Variants in RASAL2 observed in about 807,000 individuals in gnomAD.
RASAL2 encodes RAS protein activator like 2.
Under a neutral mutation model 128.9 loss-of-function variants are expected in RASAL2, and 58 were observed. The observed-to-expected ratio is 0.45, with a 90% confidence interval of 0.36 to 0.56. The LOEUF is 0.56. Among genes scored for constraint, RASAL2 ranks in the 20% least tolerant of loss-of-function variants. The pLI is 0.00. For missense variants in RASAL2, 1,360 were observed against 1,601.6 expected, an observed-to-expected ratio of 0.85 and a Z score of 2.57; for synonymous variants, 561 against 580.8, an observed-to-expected ratio of 0.97 and a Z score of 0.49.
rs549462637 is a variant in RASAL2, at chr1:178,218,120, A to G, written c.203-65444A>G. ...TCTTCAGGCTCCACTCCTAATTCCT[A>G]TTCTCTTGCTATTTCTAACACATCT... On this transcript the variant is annotated intron_variant, in intron 1 of 17. Transcript: ENST00000367649. 2.6e-5 allele frequency among the ~76,000 whole-genome samples: 4 copies of G among 152,152 alleles called. No individual in the cohort carries two copies. The South Asian group carries it at 8.3e-4, about 32-fold the overall frequency.
chr1:178,276,312 G>A (rs1359462153), intron 1 of RASAL2, among the ~76,000 whole-genome samples: 1 of 151,996 alleles, frequency 6.6e-6, no homozygotes, highest in Non-Finnish European at 1.5e-5. Flanking sequence ...GGTAATGAAG[G>A]GATAAAATAA....
intron 3 of RASAL2, among the ~76,000 whole-genome samples, chr1:178,338,723 A>G (rs898284124): frequency 6.6e-6 from 1 of 152,204 alleles, no homozygotes; most frequent in Non-Finnish European, 1.5e-5. Context: ...CTTAGTAAGC[A>G]CTTACTATGT....
At chr1:178,400,994 A>G (rs1006798279) in intron 4 of RASAL2, among the ~76,000 whole-genome samples, 1 of 152,086 alleles carries the variant, frequency 6.6e-6, no homozygotes, top group Non-Finnish European at 1.5e-5. Flanking sequence ...CAGGTGATCC[A>G]CCTACCTTGG....
chr1:178,468,717 C>A (rs965593102), intron 17 of RASAL2, among the ~76,000 whole-genome samples: 15 of 152,198 alleles, frequency 9.9e-5, no homozygotes, highest in African/African-American at 3.6e-4. Context: ...CTTACTTGGT[C>A]CTTTGAAAGA....
intron 1 of RASAL2, among the ~76,000 whole-genome samples, chr1:178,188,424 G>A (rs749944302): frequency 5.1e-4 from 78 of 152,034 alleles, no homozygotes; most frequent in Non-Finnish European, 1.0e-3. Flanking sequence ...TCACAGTCCT[G>A]TGCTCTGTTG....
intron 2 of RASAL2, among the ~76,000 whole-genome samples, chr1:178,289,802 G>A (rs551919717): frequency 1.3e-5 from 2 of 152,212 alleles, no homozygotes; most frequent in South Asian, 2.1e-4. Context: ...CTTCCCCAAC[G>A]TGCTACTTTC....
intron 14 of RASAL2, among the ~76,000 whole-genome samples, chr1:178,459,325 AATAT>A (rs1208846348): frequency 1.3e-5 from 2 of 151,922 alleles, no homozygotes; most frequent in African/African-American, 4.8e-5. Context: ...ACTACTGTTA[AATAT>A]ATAATATACA....
At chr1:178,468,379 C>T (rs1443561224) in intron 17 of RASAL2, among the ~76,000 whole-genome samples, 1 of 152,206 alleles carries the variant, frequency 6.6e-6, no homozygotes, top group Non-Finnish European at 1.5e-5. Flanking sequence ...TAGATAGCCT[C>T]CTCCCTTCTC....
intron 3 of RASAL2, among the ~76,000 whole-genome samples, chr1:178,326,207 T>C (rs1669032967): frequency 6.6e-6 from 1 of 152,180 alleles, no homozygotes; most frequent in Non-Finnish European, 1.5e-5. Flanking sequence ...CATGTACCCA[T>C]GTAAAAGGCT....
At chr1:178,174,215 T>C (rs1411529768) in intron 1 of RASAL2, among the ~76,000 whole-genome samples, 1 of 152,092 alleles carries the variant, frequency 6.6e-6, no homozygotes, top group East Asian at 1.9e-4. Context: ...TACCTTTCTC[T>C]AAATGCTTAA....
chr1:178,326,359 G>A (rs947407836), intron 3 of RASAL2, among the ~76,000 whole-genome samples: 1 of 152,028 alleles, frequency 6.6e-6, no homozygotes, highest in Non-Finnish European at 1.5e-5. Flanking sequence ...TCATAAGTGA[G>A]AATAATAAGT....
intron 1 of RASAL2, among the ~76,000 whole-genome samples, chr1:178,243,984 A>G (rs1030397299): frequency 1.3e-5 from 2 of 152,192 alleles, no homozygotes; most frequent in African/African-American, 2.4e-5. Flanking sequence ...GTTGAATGGT[A>G]TAACTCTTCT....
In RASAL2 at chr1:178,235,578, A is replaced by G. The variant is rs79032009; in HGVS notation, c.203-47986A>G. ...ACATTTATAAAACAGTTACTCCGCTATCTCCTAAGTGCTTCGTGTGCGTGT... is the reference window on the plus strand; with the variant it reads ...ACATTTATAAAACAGTTACTCCGCTGTCTCCTAAGTGCTTCGTGTGCGTGT... On this transcript the variant is annotated intron_variant, in intron 1 of 17. Coordinates refer to ENST00000367649, the MANE Select transcript of RASAL2 (RefSeq NM_170692.4). 4.7e-3 allele frequency among the ~76,000 whole-genome samples: 710 copies of G among 152,052 alleles called. 5 individuals carry two copies. Among genetic ancestry groups the G allele is most frequent in the Non-Finnish European group, 5.2e-3 (352 of 67,966 alleles).
At chr1:178,277,138 A>G (rs1363672999) in intron 1 of RASAL2, among the ~76,000 whole-genome samples, 1 of 118,832 alleles carries the variant, frequency 8.4e-6, no homozygotes, top group Non-Finnish European at 1.6e-5. Flanking sequence ...ACAGAGTGAG[A>G]TTCCCTCTCA....
At chr1:178,124,969 G>A (rs1361701026) in intron 1 of RASAL2, among the ~76,000 whole-genome samples, 6 of 152,116 alleles carry the variant, frequency 3.9e-5, no homozygotes, top group Admixed American at 3.3e-4. Context: ...GTTATAGTGA[G>A]GTAAAAAACT....
At chr1:178,259,841 G>A (rs1159773704) in intron 1 of RASAL2, among the ~76,000 whole-genome samples, 1 of 152,106 alleles carries the variant, frequency 6.6e-6, no homozygotes, top group Non-Finnish European at 1.5e-5. Context: ...TGAGATTACG[G>A]GGATGGGTCA....
At chr1:178,103,212 CTCAGATATATTTTCCTT>C (rs1277614627) in intron 1 of RASAL2, among the ~76,000 whole-genome samples, 1 of 151,360 alleles carries the variant, frequency 6.6e-6, no homozygotes, top group Non-Finnish European at 1.5e-5. Context: ...ATTAATGTAT[CTCAGATATATTTTCCTT>C]TCATTTTGTA....
intron 1 of RASAL2, among the ~76,000 whole-genome samples, chr1:178,198,767 G>A (rs529565849): frequency 2.6e-5 from 4 of 152,328 alleles, no homozygotes; most frequent in East Asian, 3.9e-4. Context: ...AGGCTACCTG[G>A]GGGTCAGGCA....
intron 4 of RASAL2, among the ~76,000 whole-genome samples, chr1:178,396,511 T>G (rs1362327344): frequency 6.6e-6 from 1 of 151,984 alleles, no homozygotes; most frequent in Non-Finnish European, 1.5e-5. Context: ...GAAAAGAAAA[T>G]TTGCCACCTT....
Sources: allele counts gnomAD v4.1 joint callset (sites outside exome capture counted in the v4.1 genomes callset), GRCh38; gene constraint gnomAD v4.1.1; transcripts MANE v1.5; gene names NCBI Gene and HGNC (gene_info 2026-07-23, HGNC 2026-07-21).